The following CAMTA1 variants were observed in gnomAD, a reference collection of about 807,000 sequenced individuals.
CAMTA1 encodes calmodulin binding transcription activator 1, also known as calmodulin-binding transcription activator 1.
Under a neutral mutation model 170.9 loss-of-function variants are expected in CAMTA1, and 27 were observed. That is an observed-to-expected ratio of 0.16 (90% CI 0.12 to 0.22). CAMTA1 has a LOEUF of 0.22. CAMTA1 is among the 10% of genes least tolerant of loss of function. CAMTA1 has a pLI of 1.00. For synonymous variants in CAMTA1, 833 were observed against 891.5 expected, an observed-to-expected ratio of 0.93 and a Z score of 1.17; for missense variants, 1,619 against 2,217.2, an observed-to-expected ratio of 0.73 and a Z score of 5.42.
intron 4 of CAMTA1, among the ~76,000 whole-genome samples, chr1:7,175,659 G>A (rs984070354): frequency 6.6e-6 from 1 of 152,232 alleles, no homozygotes; most frequent in Admixed American, 6.5e-5. Flanking sequence ...CACCCCAGCC[G>A]CTTGAAGCGG....
At chr1:6,910,145 C>T (rs1679389837) in intron 3 of CAMTA1, among the ~76,000 whole-genome samples, 1 of 152,246 alleles carries the variant, frequency 6.6e-6, no homozygotes, top group African/African-American at 2.4e-5. Context: ...AGTTGACATG[C>T]TAAGGCACTA....
chr1:7,230,782 G>A (rs1662641736), intron 4 of CAMTA1, among the ~76,000 whole-genome samples: 1 of 152,196 alleles, frequency 6.6e-6, no homozygotes, highest in South Asian at 2.1e-4. Flanking sequence ...CCAGCCCCCG[G>A]GAGCCACGCC....
At chr1:7,082,674 C>T (rs1191062260) in intron 3 of CAMTA1, among the ~76,000 whole-genome samples, 1 of 152,096 alleles carries the variant, frequency 6.6e-6, no homozygotes, top group Non-Finnish European at 1.5e-5. Flanking sequence ...CTCAGATTTC[C>T]CTGAACACAT....
rs1041551250 is a variant in CAMTA1, at chr1:6,934,763, G to A, written c.234+109553G>A. 3.2e-4 allele frequency among the ~76,000 whole-genome samples: 48 copies of A among 152,134 alleles called. No individual in the cohort carries two copies. Among genetic ancestry groups the A allele is most frequent in the African/African-American group, 1.1e-3 (46 of 41,430 alleles). On this transcript the variant is annotated intron_variant, in intron 3 of 22. Transcript: ENST00000303635. This position sits in a 1 kb window ranked among gnomAD's most constrained non-coding sequence, Gnocchi z 4.5. ...TCAGTGAAGGTATCTTGCAGAGGGC[G>A]TATGGTTGGAGAGGAAGGCAGGGCT...
chr1:6,977,141 A>T (rs1693581674), intron 3 of CAMTA1, among the ~76,000 whole-genome samples: 1 of 152,010 alleles, frequency 6.6e-6, no homozygotes, highest in African/African-American at 2.4e-5. Flanking sequence ...TGGATGGGGG[A>T]GAAGGTCGTG....
chr1:7,735,060 A>G (rs1044478067), intron 12 of CAMTA1, among the ~76,000 whole-genome samples: 4 of 152,200 alleles, frequency 2.6e-5, no homozygotes, highest in African/African-American at 7.2e-5. Flanking sequence ...CCTTATTGTT[A>G]TTAATAACAC....
At position 7,482,778 on chromosome 1, in the gene CAMTA1, G is replaced by T. The variant is rs1052877065; in HGVS notation, c.510+14877G>T. Among the ~76,000 whole-genome samples the T allele has an allele frequency of 2.6e-5, 4 of 152,162 alleles. No individual in the cohort carries two copies. Among genetic ancestry groups the T allele is most frequent in the Non-Finnish European group, 4.4e-5 (3 of 68,014 alleles). ...GGTTCCAAAGAAATGAGCTCCCATG[G>T]GGTCTCATTTTGCCCTATCTGTGCC... On this transcript the variant is annotated intron_variant, in intron 6 of 22. Coordinates refer to ENST00000303635, the MANE Select transcript of CAMTA1 (RefSeq NM_015215.4). This position sits in a 1 kb window ranked among gnomAD's most constrained non-coding sequence, Gnocchi z 4.2.
intron 11 of CAMTA1, among the ~76,000 whole-genome samples, chr1:7,687,798 G>A (rs1418710352): frequency 2.6e-5 from 4 of 152,106 alleles, no homozygotes; most frequent in Admixed American, 2.0e-4. Flanking sequence ...TGGGGAGCAG[G>A]GGCTCCAGGT....
chr1:7,508,871 C>A (rs1363215884), intron 6 of CAMTA1, among the ~76,000 whole-genome samples: 1 of 152,194 alleles, frequency 6.6e-6, no homozygotes, highest in African/African-American at 2.4e-5. Flanking sequence ...TCCCTGCAAA[C>A]CTTCTCCCCC....
At position 7,588,475 on chromosome 1, in the gene CAMTA1, T is replaced by C. The variant is rs1157295011; in HGVS notation, c.511-51925T>C. Among the ~76,000 whole-genome samples the C allele has an allele frequency of 6.6e-6, 1 of 152,204 alleles. No homozygotes were observed. Among genetic ancestry groups the C allele is most frequent in the Non-Finnish European group, 1.5e-5 (1 of 68,030 alleles). ...CATCGTTTTATCAAAACCCTCACCA[T>C]TGCCATCACCACCTCCATTTGACAG... is the stretch of plus-strand genomic sequence containing the variant. On this transcript the variant is annotated intron_variant, in intron 6 of 22. Coordinates refer to ENST00000303635, the MANE Select transcript of CAMTA1 (RefSeq NM_015215.4). The surrounding 1 kb of genome is among the most constrained non-coding windows in gnomAD (Gnocchi z 5.8).
At position 7,300,003 on chromosome 1, in the gene CAMTA1, T is replaced by G. The variant is rs1451784517; in HGVS notation, c.438+50377T>G. Among the ~76,000 whole-genome samples the G allele has an allele frequency of 6.6e-6, 1 of 152,204 alleles. No individual in the cohort carries two copies. The highest frequency in any genetic ancestry group is 2.4e-5 in the African/African-American group (1 of 41,454). On this transcript the variant is annotated intron_variant, in intron 5 of 22. Coordinates refer to ENST00000303635, the MANE Select transcript of CAMTA1 (RefSeq NM_015215.4). This position sits in a 1 kb window ranked among gnomAD's most constrained non-coding sequence, Gnocchi z 4.1. ...TGATTCCTTTAAGATCCAGAACAAC[T>G]GCTCCCTGTACCTTAAGTAATTATC...
intron 6 of CAMTA1, among the ~76,000 whole-genome samples, chr1:7,556,491 T>G (rs1441046130): frequency 3.9e-5 from 6 of 152,202 alleles, no homozygotes; most frequent in Non-Finnish European, 7.4e-5. Flanking sequence ...AAACTCTTCC[T>G]TGCACAGTGG....
At chr1:7,081,636 AAGGG>A (rs1411515514) in intron 3 of CAMTA1, among the ~76,000 whole-genome samples, 1 of 152,204 alleles carries the variant, frequency 6.6e-6, no homozygotes, top group Non-Finnish European at 1.5e-5. Context: ...CCCCAAGGTC[AAGGG>A]CCTACAAATC....
At chr1:6,893,376 G>A (rs139464833) in intron 3 of CAMTA1, among the ~76,000 whole-genome samples, 1,705 of 152,348 alleles carry the variant, frequency 0.011, 24 homozygotes, top group Admixed American at 0.037. Flanking sequence ...GAGCCTCTTT[G>A]GCGTGGGTGG....
intron 11 of CAMTA1, among the ~76,000 whole-genome samples, chr1:7,706,656 T>G (rs1384909741): frequency 6.6e-6 from 1 of 152,332 alleles, no homozygotes; most frequent in Middle Eastern, 3.4e-3. Context: ...AAAATAGCAT[T>G]TACTTACAGC....
chr1:7,368,711 C>T lies in CAMTA1; in HGVS notation c.439-99119C>T, dbSNP rs114517047. Among the ~76,000 whole-genome samples the T allele has an allele frequency of 3.1e-3, 475 of 152,316 alleles. 5 individuals carry two copies. The highest frequency in any genetic ancestry group is 0.017 in the Middle Eastern group (5 of 294). ...GCTGTAGCTCCATTTCTGTCTTGCACGCTGCTGCAGCTTCAGCACCCACCG... is the reference window on the plus strand; with the variant it reads ...GCTGTAGCTCCATTTCTGTCTTGCATGCTGCTGCAGCTTCAGCACCCACCG... On this transcript the variant is annotated intron_variant, in intron 5 of 22. Transcript: ENST00000303635.
intron 5 of CAMTA1, among the ~76,000 whole-genome samples, chr1:7,440,111 G>T (rs1164415711): frequency 6.6e-6 from 1 of 152,266 alleles, no homozygotes; most frequent in Non-Finnish European, 1.5e-5. Flanking sequence ...GGCTCAGGTG[G>T]CACTGGCCCC....
chr1:7,676,443 G>A (rs2096121611), intron 10 of CAMTA1, among the ~76,000 whole-genome samples: 1 of 152,180 alleles, frequency 6.6e-6, no homozygotes. Flanking sequence ...CACCCAGGAT[G>A]GACAGCGGCC....
intron 6 of CAMTA1, among the ~76,000 whole-genome samples, chr1:7,493,335 A>G (rs7551012): frequency 0.65 from 91,788 of 141,392 alleles, 30,931 homozygotes; most frequent in African/African-American, 0.82. Flanking sequence ...ACGTACACAC[A>G]CATGCACACA....
Sources: gnomAD v4.1 joint callset for allele counts (sites outside exome capture counted in the v4.1 genomes callset) on GRCh38, gnomAD v4.1.1 for gene constraint, Gnocchi (gnomAD v3.1) non-coding constraint, MANE v1.5 for transcripts, NCBI Gene and HGNC (gene_info 2026-07-23, HGNC 2026-07-21) for gene names.